The following FMN2 variants were observed in gnomAD, a reference collection of about 807,000 sequenced individuals.
FMN2 encodes formin 2, also known as formin-2.
Under a neutral mutation model 142.3 loss-of-function variants are expected in FMN2, and 51 were observed. The observed-to-expected ratio is 0.36, with a 90% CI of 0.29 to 0.45. FMN2 has a LOEUF of 0.45. Among genes scored for constraint, FMN2 ranks in the 20% least tolerant of loss-of-function variants. The probability of loss-of-function intolerance (pLI) is 1.00; values close to 1 mark genes in which losing one functional copy is unlikely to be tolerated. For missense variants in FMN2, 1,936 were observed against 2,122.8 expected, an observed-to-expected ratio of 0.91 and a Z score of 1.73; for synonymous variants, 882 against 869.8, an observed-to-expected ratio of 1.01 and a Z score of -0.25.
At chr1:240,134,714 C>T (rs1662870401) in intron 2 of FMN2, among the ~76,000 whole-genome samples, 1 of 152,080 alleles carries the variant, frequency 6.6e-6, no homozygotes, top group African/African-American at 2.4e-5. Context: ...TGGGATCTGG[C>T]TGTGTTCTGG....
At chr1:240,356,520 A>T (rs1400159896) in intron 14 of FMN2, among the ~76,000 whole-genome samples, 9 of 152,204 alleles carry the variant, frequency 5.9e-5, no homozygotes, top group African/African-American at 2.2e-4. Context: ...ATAATAAAGA[A>T]AAAAATTTAA....
chr1:240,123,505 C>CAAA (rs71168901), intron 2 of FMN2, among the ~76,000 whole-genome samples, 160 bp downstream of exon 2: 3,056 of 107,672 alleles, frequency 0.028, 80 homozygotes, highest in African/African-American at 0.046. Context: ...TGTTTGTACA[C>CAAA]AAAAAAAAAA....
chr1:240,290,078 G>A (rs1163244438), intron 7 of FMN2, among the ~76,000 whole-genome samples: 1 of 151,902 alleles, frequency 6.6e-6, no homozygotes, highest in Non-Finnish European at 1.5e-5. Flanking sequence ...GTCAAGAGTG[G>A]GACTGTTTCT....
intron 8 of FMN2, among the ~76,000 whole-genome samples, chr1:240,309,604 T>C (rs961453187): frequency 1.3e-5 from 2 of 152,086 alleles, no homozygotes; most frequent in African/African-American, 4.8e-5. Flanking sequence ...CCAGATGTCA[T>C]TATACACCCA....
In FMN2 at chr1:240,329,446, A is replaced by T; in HGVS notation, c.4415A>T (p.Glu1472Val). ...ESICSIRRKL[E>V]LLQKLCETLK... The stretch of plus-strand genomic sequence containing the variant: ...ATTTGCTCAATTCGTCGCAAACTGG[A>T]ATTACTACAGAAATTGTGTGAGGTG... The change falls in exon 10 of 18, where the codon GAA becomes GTA. Residue 1472 changes from glutamate to valine, a missense_variant. This residue lies in a region of FMN2 where 322 missense variants were observed against 401.6 expected (regional missense o/e 0.80). Transcript: ENST00000319653. 6.2e-7 allele frequency: 1 copy of T among 1,613,978 alleles called. No homozygotes were observed. The highest frequency in any genetic ancestry group is 8.5e-7 in the Non-Finnish European group (1 of 1,179,958).
intron 14 of FMN2, among the ~76,000 whole-genome samples, chr1:240,375,192 A>G (rs1402185222): frequency 1.3e-5 from 2 of 152,156 alleles, no homozygotes; most frequent in Non-Finnish European, 2.9e-5. Context: ...TAATAAATAC[A>G]TCAAAGATCA....
At position 240,207,436 on chromosome 1, in the gene FMN2, T is replaced by C. The variant is rs202173304; in HGVS notation, c.2624T>C (p.Met875Thr). ...TCCAGCTCCATGCCTGGCCTGGGCA[T>C]GGTGCCTCCCCCACCTCCCCCTCTC... is the stretch of plus-strand genomic sequence containing the variant. ...ESSSSMPGLG[M>T]VPPPPPPLPG... The change falls in exon 5 of 18, where the codon ATG becomes ACG. Residue 875 changes from methionine to threonine, a missense_variant. Transcript: ENST00000319653. 1.9e-6 allele frequency: 3 copies of C among 1,613,606 alleles called. No individual in the cohort carries two copies. The African/African-American group carries it at 4.0e-5, about 22-fold the overall frequency.
At chr1:240,257,811 T>C (rs759181655) in intron 6 of FMN2, 134 bp from the exon 7 acceptor site, 1 of 691,452 alleles carries the variant, frequency 1.4e-6, no homozygotes, top group Admixed American at 3.3e-5. Context: ...AAAAAAACAC[T>C]GTTTTGAATA....
intron 4 of FMN2, among the ~76,000 whole-genome samples, chr1:240,204,576 C>G (rs575509065): frequency 6.6e-6 from 1 of 152,310 alleles, no homozygotes; most frequent in African/African-American, 2.4e-5. Context: ...CGTGCTGAAA[C>G]CCTGTCTTTA....
chr1:240,203,131 G>A (rs1666190762), intron 4 of FMN2, among the ~76,000 whole-genome samples: 1 of 152,100 alleles, frequency 6.6e-6, no homozygotes, highest in Non-Finnish European at 1.5e-5. Context: ...TTTGGGTGCT[G>A]GTTTTTTGGC....
chr1:240,245,246 G>T, intron 6 of FMN2: 1 of 280,162 alleles, frequency 3.6e-6, no homozygotes, highest in Non-Finnish European at 7.1e-6. Context: ...ATTATCAGGG[G>T]CCACTAAATA....
chr1:240,202,610 A>C (rs1666167913), intron 4 of FMN2, among the ~76,000 whole-genome samples: 1 of 151,966 alleles, frequency 6.6e-6, no homozygotes. Flanking sequence ...CTACAGGCAC[A>C]CACCACCACA....
At chr1:240,436,685 A>AAG (rs1675385645) in intron 15 of FMN2, among the ~76,000 whole-genome samples, 1 of 148,206 alleles carries the variant, frequency 6.7e-6, no homozygotes, top group Non-Finnish European at 1.5e-5. Context: ...TCAAAAAAAA[A>AAG]AAAAACTCAA....
chr1:240,295,222 A>ACACACACT lies in FMN2; in HGVS notation c.4215+342_4215+343insACACTCAC, dbSNP rs1188239414. On this transcript the variant is annotated intron_variant, in intron 8 of 17. Coordinates refer to ENST00000319653, the MANE Select transcript of FMN2 (RefSeq NM_020066.5). ...CACACACACACACACACACACACAC[A>ACACACACT]CACTCACACACACTTAAAATTTTAA... Among the ~76,000 whole-genome samples, 150 of 147,592 alleles carry ACACACACT rather than the reference A, an allele frequency of 1.0e-3. 1 individual carries two copies. The highest frequency in any genetic ancestry group is 6.8e-3 in the South Asian group (31 of 4,592).
intron 14 of FMN2, among the ~76,000 whole-genome samples, chr1:240,391,080 G>A (rs987341943): frequency 2.0e-5 from 3 of 151,614 alleles, no homozygotes; most frequent in Non-Finnish European, 2.9e-5. Flanking sequence ...CAATATGTTC[G>A]TGCTGGAGCC....
intron 13 of FMN2, among the ~76,000 whole-genome samples, chr1:240,337,552 A>G (rs7540650): frequency 0.041 from 6,266 of 152,298 alleles, 429 homozygotes; most frequent in African/African-American, 0.14. Flanking sequence ...AAGGTTTAGA[A>G]AATAGGATAA....
intron 8 of FMN2, among the ~76,000 whole-genome samples, chr1:240,306,334 T>G (rs1670401918): frequency 6.6e-6 from 1 of 152,126 alleles, no homozygotes; most frequent in South Asian, 2.1e-4. Context: ...AAGGGCATAT[T>G]GAGTGGGGCT....
At chr1:240,466,489 A>G (rs1390563813) in intron 16 of FMN2, among the ~76,000 whole-genome samples, 1 of 152,206 alleles carries the variant, frequency 6.6e-6, no homozygotes, top group Non-Finnish European at 1.5e-5. Context: ...GATGTTTTAT[A>G]TTCATATGGT....
intron 6 of FMN2, among the ~76,000 whole-genome samples, chr1:240,245,086 A>G (rs1022478871): frequency 6.6e-6 from 1 of 152,160 alleles, no homozygotes; most frequent in Non-Finnish European, 1.5e-5. Flanking sequence ...AAGAGTAAAG[A>G]AGTGGCTCCT....
Sources: gnomAD v4.1 joint callset for allele counts (sites outside exome capture counted in the v4.1 genomes callset) on GRCh38, gnomAD v4.1.1 for gene constraint, gnomAD v4.1.1 regional missense constraint, MANE v1.5 for transcripts, NCBI Gene and HGNC (gene_info 2026-07-23, HGNC 2026-07-21) for gene names.